FAM13A: variants seen among roughly 807,000 people sequenced by gnomAD.
FAM13A encodes the protein family with sequence similarity 13 member A.
FAM13A carries 76 observed loss-of-function variants against 129.6 expected under a neutral mutation model. The observed-to-expected ratio is 0.59, with a 90% CI of 0.49 to 0.71. The LOEUF (loss-of-function observed/expected upper bound fraction) is 0.71. Among genes scored for constraint, FAM13A ranks in the 30% least tolerant of loss-of-function variants. FAM13A has a pLI of 0.00. For missense variants in FAM13A, 1,108 were observed against 1,249.3 expected, an observed-to-expected ratio of 0.89 and a Z score of 1.70; for synonymous variants, 443 against 449.9, an observed-to-expected ratio of 0.98 and a Z score of 0.20.
chr4:88,811,430 G>T (rs538208654), intron 7 of FAM13A, among the ~76,000 whole-genome samples: 2 of 152,192 alleles, frequency 1.3e-5, no homozygotes, highest in South Asian at 4.2e-4. Context: ...TAGAATCAAA[G>T]AAATATTATA....
At chr4:88,815,149 A>G (rs1730471710) in intron 7 of FAM13A, among the ~76,000 whole-genome samples, 1 of 152,010 alleles carries the variant, frequency 6.6e-6, no homozygotes, top group Non-Finnish European at 1.5e-5. Context: ...AGCTTCCCTG[A>G]GTTTTATTCT....
At chr4:88,801,524 A>G (rs1468228397) in intron 8 of FAM13A, among the ~76,000 whole-genome samples, 3 of 152,238 alleles carry the variant, frequency 2.0e-5, no homozygotes, top group Non-Finnish European at 4.4e-5. Context: ...TTCATGGAGC[A>G]TTAAATGAGA....
At chr4:88,879,262 C>G (rs1743131659) in intron 6 of FAM13A, among the ~76,000 whole-genome samples, 1 of 152,170 alleles carries the variant, frequency 6.6e-6, no homozygotes. Context: ...TTACTAAGTT[C>G]CAGGCAGTAC....
intron 14 of FAM13A, among the ~76,000 whole-genome samples, chr4:88,757,457 C>T (rs1223549456): frequency 6.6e-6 from 1 of 151,936 alleles, no homozygotes; most frequent in African/African-American, 2.4e-5. Flanking sequence ...GGTGGGGGCA[C>T]AGGTTGTTTT....
chr4:88,738,962 A>G (rs1739584828), intron 20 of FAM13A, 68 bp downstream of exon 20: 3,313 of 765,902 alleles, frequency 4.3e-3, no homozygotes, highest in Non-Finnish European at 7.1e-3. Context: ...TTAGGGCCCT[A>G]TTCATATATC....
chr4:88,757,645 A>G (rs1169777836), intron 14 of FAM13A, among the ~76,000 whole-genome samples: 1 of 152,204 alleles, frequency 6.6e-6, no homozygotes, highest in Non-Finnish European at 1.5e-5. Flanking sequence ...CTGCCTAATT[A>G]TATAAAAATA....
chr4:88,984,644 A>G lies in FAM13A; in HGVS notation c.605+6329T>C, dbSNP rs181227746. ...AAGATATTAACAAGGATGTAGAGAAACTGGTTCGCCCATACATTGCTGATG... is the reference window on the plus strand; with the variant it reads ...AAGATATTAACAAGGATGTAGAGAAGCTGGTTCGCCCATACATTGCTGATG... On this transcript the variant is annotated intron_variant, in intron 4 of 23. Coordinates refer to ENST00000264344, the MANE Select transcript of FAM13A (RefSeq NM_014883.4). Among the ~76,000 whole-genome samples the G allele has an allele frequency of 1.6e-3, 240 of 152,274 alleles. 1 individual carries two copies. The highest frequency in any genetic ancestry group is 2.7e-3 in the Non-Finnish European group (182 of 67,998).
intron 6 of FAM13A, among the ~76,000 whole-genome samples, chr4:88,880,005 T>C (rs1379933): frequency 0.26 from 39,206 of 152,090 alleles, 5,416 homozygotes; most frequent in South Asian, 0.46. Flanking sequence ...ATAGAGTAAA[T>C]ACTTAAGTCA....
chr4:89,027,135 T>C (rs1007176390), intron 2 of FAM13A, among the ~76,000 whole-genome samples: 1 of 152,216 alleles, frequency 6.6e-6, no homozygotes, highest in Non-Finnish European at 1.5e-5. Flanking sequence ...ACTGTTTTTT[T>C]CTCCTATACA....
chr4:88,876,078 A>G (rs4693972), intron 6 of FAM13A, among the ~76,000 whole-genome samples: 106,810 of 151,986 alleles, frequency 0.7, 38,428 homozygotes, highest in East Asian at 0.95. Context: ...ACTCATAGGT[A>G]AGAACTGAAC....
chr4:88,917,826 TAC>T (rs1412581605), intron 5 of FAM13A, among the ~76,000 whole-genome samples: 3 of 152,212 alleles, frequency 2.0e-5, no homozygotes, highest in Non-Finnish European at 4.4e-5. Context: ...TCCTATTGGA[TAC>T]AGTGTTTCAA....
intron 20 of FAM13A, among the ~76,000 whole-genome samples, chr4:88,737,887 T>C (rs142398736): frequency 3.3e-5 from 5 of 152,206 alleles, no homozygotes; most frequent in African/African-American, 1.2e-4. Flanking sequence ...CAAGAACACT[T>C]CGGCTGTAGT....
intron 6 of FAM13A, among the ~76,000 whole-genome samples, chr4:88,899,304 G>C (rs1746868744): frequency 6.6e-6 from 1 of 151,938 alleles, no homozygotes; most frequent in Non-Finnish European, 1.5e-5. Flanking sequence ...GGATGCAAAG[G>C]GATAAGAATG....
chr4:88,931,571 G>C (rs148972574), intron 5 of FAM13A, among the ~76,000 whole-genome samples: 54 of 152,034 alleles, frequency 3.6e-4, no homozygotes, highest in Non-Finnish European at 6.9e-4. Flanking sequence ...TGTTCAAAAT[G>C]TATCTACTTA....
chr4:88,999,366 C>G lies in FAM13A; in HGVS notation c.428-8216G>C, dbSNP rs566834776. ...ATAAAGGTTAGACACAAGCATTTAGCAGCTGAAGAACTTATTTGTATGAGA... is the reference window on the plus strand; with the variant it reads ...ATAAAGGTTAGACACAAGCATTTAGGAGCTGAAGAACTTATTTGTATGAGA... On this transcript the variant is annotated intron_variant, in intron 3 of 23. Transcript: ENST00000264344. Among the ~76,000 whole-genome samples, 7 of 152,256 alleles carry G rather than the reference C, an allele frequency of 4.6e-5. No homozygotes were observed. In the East Asian group the frequency reaches 1.2e-3, roughly 25 times the overall value.
intron 14 of FAM13A, among the ~76,000 whole-genome samples, chr4:88,751,250 A>T (rs1375050809): frequency 6.6e-6 from 1 of 152,140 alleles, no homozygotes; most frequent in African/African-American, 2.4e-5. Context: ...TCAAAAAACA[A>T]ACAAGCAAAC....
intron 1 of FAM13A, among the ~76,000 whole-genome samples, chr4:89,032,328 C>T (rs1768806374): frequency 6.6e-6 from 1 of 152,106 alleles, no homozygotes; most frequent in South Asian, 2.1e-4. Flanking sequence ...AATTCCCATG[C>T]ATCACTTGAG....
chr4:88,729,743 T>C (rs567009478), intron 23 of FAM13A: 18 of 152,322 alleles, frequency 1.2e-4, no homozygotes, highest in Admixed American at 6.5e-4. Flanking sequence ...ACGTCCTCCA[T>C]TGACATTTTC....
At chr4:88,863,746 A>G (rs1374416434) in intron 6 of FAM13A, among the ~76,000 whole-genome samples, 1 of 152,240 alleles carries the variant, frequency 6.6e-6, no homozygotes, top group Non-Finnish European at 1.5e-5. Context: ...ATTTGATGTC[A>G]GAAGTGTTGG....
Sources: gnomAD v4.1 joint callset for allele counts (sites outside exome capture counted in the v4.1 genomes callset) on GRCh38, gnomAD v4.1.1 for gene constraint, MANE v1.5 for transcripts, NCBI Gene and HGNC (gene_info 2026-07-23, HGNC 2026-07-21) for gene names.